FAM81A: variants seen among roughly 807,000 people sequenced by gnomAD.
FAM81A encodes family with sequence similarity 81 member A, also known as protein FAM81A.
A neutral mutation model predicts 46.7 loss-of-function variants in FAM81A; 19 were observed. The ratio of observed to expected loss-of-function variants is 0.41; its 90% CI spans 0.28 to 0.60. FAM81A has a LOEUF of 0.60. Ranked by LOEUF, FAM81A falls within the 20% of genes least tolerant of loss-of-function variation. The pLI is 0.34. For synonymous variants in FAM81A, 183 were observed against 152.9 expected (o/e 1.20, Z -1.45); for missense variants, 377 against 453.5 (o/e 0.83, Z 1.53).
chr15:59,507,163 C>T (rs377412220), intron 4 of FAM81A, 50 bp from the exon 5 acceptor site: 2 of 1,568,994 alleles, frequency 1.3e-6, no homozygotes, highest in Non-Finnish European at 1.7e-6. Flanking sequence ...AGCTTTTGCG[C>T]ATTGTTTTTA....
At chr15:59,492,736 T>A (rs968806503) in intron 4 of FAM81A, among the ~76,000 whole-genome samples, 1 of 152,210 alleles carries the variant, frequency 6.6e-6, no homozygotes, top group Non-Finnish European at 1.5e-5. Flanking sequence ...ATTTTTCCTG[T>A]TATTCATTTT....
chr15:59,430,219 C>G (rs1280496070), intron 2 of FAM81A, among the ~76,000 whole-genome samples: 1 of 150,612 alleles, frequency 6.6e-6, no homozygotes, highest in Admixed American at 6.6e-5. Flanking sequence ...TCACTTCCAC[C>G]CTTCCTGTGG....
chr15:59,457,824 A>T (rs1468515774), intron 1 of FAM81A, among the ~76,000 whole-genome samples: 8 of 152,224 alleles, frequency 5.3e-5, no homozygotes, highest in Non-Finnish European at 1.0e-4. Context: ...GATCATAGTT[A>T]GTAGGCATTC....
chr15:59,478,830 C>G (rs1394283650), intron 3 of FAM81A, among the ~76,000 whole-genome samples: 3 of 152,164 alleles, frequency 2.0e-5, no homozygotes, highest in Non-Finnish European at 4.4e-5. Context: ...TTTAGCTTGT[C>G]TGAGTCCTCT....
At chr15:59,510,985 T>G (rs1394957009) in intron 6 of FAM81A, among the ~76,000 whole-genome samples, 1 of 151,476 alleles carries the variant, frequency 6.6e-6, no homozygotes, top group Non-Finnish European at 1.5e-5. Flanking sequence ...CTGTCTCTAT[T>G]AAAAATACGA....
rs72184783 is a variant in FAM81A at position 59,421,707 on chromosome 15, CTATCTA to C, written c.-78+19351_-78+19356del. Among the ~76,000 whole-genome samples, 836 of 100,280 alleles carry C rather than the reference CTATCTA, an allele frequency of 8.3e-3. 7 individuals carry two copies. Among genetic ancestry groups the C allele is most frequent in the South Asian group, 0.041 (77 of 1,882 alleles). The allele number at this position is 100,280 out of a possible 152,430, so 65.8% of individuals were successfully genotyped here. On this transcript the variant is annotated intron_variant, in intron 2 of 4. Coordinates refer to the FAM81A transcript ENST00000558348. ...CTTGGGGACAGATTAAACCCTTAAACTATCTATCTGTCTGTCTGTCTGTCTATCTAT... is the reference window on the plus strand; with the variant it reads ...CTTGGGGACAGATTAAACCCTTAAACTCTGTCTGTCTGTCTGTCTATCTAT...
At chr15:59,454,562 T>C (rs1039882753) in intron 1 of FAM81A, among the ~76,000 whole-genome samples, 3 of 152,182 alleles carry the variant, frequency 2.0e-5, no homozygotes, top group Non-Finnish European at 4.4e-5. Context: ...AGCATTTCAC[T>C]TTACTCTTCT....
intron 1 of FAM81A, among the ~76,000 whole-genome samples, chr15:59,446,245 A>G (rs1290508709): frequency 6.6e-6 from 1 of 152,238 alleles, no homozygotes; most frequent in Non-Finnish European, 1.5e-5. Flanking sequence ...TTTAAATAGC[A>G]TTTCAAAATA....
chr15:59,417,137 A>T (rs1291993719), intron 2 of FAM81A, among the ~76,000 whole-genome samples: 1 of 152,058 alleles, frequency 6.6e-6, no homozygotes, highest in Admixed American at 6.5e-5. Context: ...GAAAAACAAA[A>T]TGAGGGATGC....
At chr15:59,516,509 ATAT>A in intron 7 of FAM81A, 133 bp from the exon 8 acceptor site, 1 of 803,266 alleles carries the variant, frequency 1.2e-6, no homozygotes, top group Non-Finnish European at 2.0e-6. Flanking sequence ...GGGAGAACGG[ATAT>A]TATGGTGGGC....
intron 4 of FAM81A, among the ~76,000 whole-genome samples, chr15:59,496,768 C>T (rs2082038442): frequency 1.3e-5 from 2 of 152,214 alleles, no homozygotes; most frequent in South Asian, 2.1e-4. Context: ...TGTGAGTCCT[C>T]CAACTTCATC....
intron 6 of FAM81A, among the ~76,000 whole-genome samples, chr15:59,512,602 G>T (rs889128841): frequency 6.6e-6 from 1 of 151,844 alleles, no homozygotes; most frequent in East Asian, 1.9e-4. Context: ...TGGGGTGATC[G>T]CAAAGTACAC....
At chr15:59,411,725 G>A (rs2081121500) in intron 2 of FAM81A, among the ~76,000 whole-genome samples, 1 of 152,118 alleles carries the variant, frequency 6.6e-6, no homozygotes, top group African/African-American at 2.4e-5. Context: ...AGACCAGCCT[G>A]GCCAACATGG....
intron 3 of FAM81A, among the ~76,000 whole-genome samples, chr15:59,489,989 C>G (rs1330011917): frequency 6.6e-6 from 1 of 151,950 alleles, no homozygotes; most frequent in Non-Finnish European, 1.5e-5. Flanking sequence ...TACAACAACA[C>G]ATTAAACCCA....
chr15:59,477,391 A>T (rs2081785793), intron 3 of FAM81A, among the ~76,000 whole-genome samples: 2 of 152,078 alleles, frequency 1.3e-5, no homozygotes, highest in African/African-American at 4.8e-5. Flanking sequence ...TCATCCCTGC[A>T]GGTGATTTTA....
At chr15:59,401,376 T>A in intron 1 of FAM81A, 1 of 787,758 alleles carries the variant, frequency 1.3e-6, no homozygotes, top group South Asian at 1.3e-5. Context: ...CCCAAAGTTG[T>A]ATACAGTGGG....
At chr15:59,511,706 A>G (rs1417225115) in intron 6 of FAM81A, among the ~76,000 whole-genome samples, 5 of 152,178 alleles carry the variant, frequency 3.3e-5, no homozygotes, top group Non-Finnish European at 7.4e-5. Context: ...GCTGGAGCGC[A>G]GTGTGCTTGA....
intron 2 of FAM81A, chr15:59,408,864 A>C (rs2081108143): frequency 6.6e-6 from 1 of 152,144 alleles, no homozygotes; most frequent in South Asian, 2.1e-4. Context: ...AATACAAAGA[A>C]CAAAATGAAG....
rs34494392 is a variant in FAM81A at position 59,518,943 on chromosome 15, CTGTGTG to C, written c.982+2132_982+2137del. On this transcript the variant is annotated intron_variant, in intron 8 of 8. Transcript: ENST00000288228. ...CTCACAGGTATTTGTGTGTGTGTGTCTGTGTGTGTGTGTGTGTGTGTGTGTGTGTGT... is the reference window on the plus strand; with the variant it reads ...CTCACAGGTATTTGTGTGTGTGTGTCTGTGTGTGTGTGTGTGTGTGTGTGT... 1.2e-3 allele frequency among the ~76,000 whole-genome samples: 173 copies of C among 143,140 alleles called. 1 individual carries two copies. Among genetic ancestry groups the C allele is most frequent in the African/African-American group, 3.5e-3 (134 of 38,792 alleles). 93.9% of individuals were successfully genotyped at this position (143,140 alleles called of 152,430 possible). A position where few individuals can be genotyped will look rare whatever the true frequency, so the allele number is the denominator to read the frequency against.
Sources: gnomAD v4.1 joint callset for allele counts (sites outside exome capture counted in the v4.1 genomes callset) on GRCh38, gnomAD v4.1.1 for gene constraint, MANE v1.5 for transcripts, NCBI Gene and HGNC (gene_info 2026-07-23, HGNC 2026-07-21) for gene names.